The following MTFR1L variants were observed in gnomAD, a reference collection of about 807,000 sequenced individuals.
MTFR1L encodes the protein mitochondrial fission regulator 1-like.
Under a neutral mutation model 27.9 loss-of-function variants are expected in MTFR1L, and 10 were observed. The ratio of observed to expected loss-of-function variants is 0.36; its 90% CI spans 0.22 to 0.61. MTFR1L has a LOEUF of 0.61. Among genes scored for constraint, MTFR1L ranks in the 20% least tolerant of loss-of-function variants. MTFR1L has a pLI of 0.73. For synonymous variants in MTFR1L, 151 were observed against 139.4 expected (o/e 1.08, Z -0.58); for missense variants, 315 against 363.7 (o/e 0.87, Z 1.09).
chr1:25,820,557 G>A lies in MTFR1L; in HGVS notation c.-87+528G>A, dbSNP rs568231345. The A allele has an allele frequency of 1.3e-4, 47 of 362,140 alleles. No individual in the cohort carries two copies. In the East Asian group the frequency reaches 3.9e-3, roughly 30 times the overall value. The allele number at this position is 362,140 out of a possible 1,614,324, so 22.4% of individuals were successfully genotyped here. ...CCTCCGTGGGGGCCCCCGGGACCAG[G>A]GGTGCTGAGCAGGGCCCTGCGCTGG... On this transcript the variant is annotated intron_variant, in intron 1 of 6. Transcript: ENST00000374303.
At chr1:25,827,238 C>T (rs1169829258) in intron 5 of MTFR1L, among the ~76,000 whole-genome samples, 3 of 151,666 alleles carry the variant, frequency 2.0e-5, no homozygotes, top group Non-Finnish European at 4.4e-5. Context: ...CAGGTGCAAG[C>T]GATTCTCCTG....
At chr1:25,827,806 A>C (rs903332495) in intron 5 of MTFR1L, among the ~76,000 whole-genome samples, 2 of 151,582 alleles carry the variant, frequency 1.3e-5, no homozygotes, top group African/African-American at 4.9e-5. Flanking sequence ...GCTCACTGCA[A>C]CCTCCACCTC....
Position 25,832,271 on chromosome 1 carries a change from T to G in MTFR1L, c.*245T>G. On this transcript the variant is annotated 3_prime_UTR_variant, in exon 7 of 7. Coordinates refer to ENST00000374303, the MANE Select transcript of MTFR1L (RefSeq NM_001099625.2). ...TCAGGTAATCGTGTAGAATGAAGTA[T>G]CTTAGTTTAAAGGGTAAGAGAGAAG... is the stretch of plus-strand genomic sequence containing the variant. 8.3e-7 allele frequency: 1 copy of G among 1,200,384 alleles called. No individual in the cohort carries two copies. The highest frequency in any genetic ancestry group is 2.6e-5 in the East Asian group (1 of 39,076). 74.4% of individuals were successfully genotyped at this position (1,200,384 alleles called of 1,614,324 possible).
rs199996657 is a variant in MTFR1L at position 25,823,669 on chromosome 1, C to T, written c.50C>T (p.Pro17Leu). The T allele has an allele frequency of 1.5e-4, 243 of 1,613,944 alleles. No homozygotes were observed. The highest frequency in any genetic ancestry group is 1.9e-4 in the Non-Finnish European group (230 of 1,179,988). ...ACCATCCCAATCTGGCAAAACAAGCCACATGGGGCTGCTCGAAGTGTAGTA... is the reference window on the plus strand; with the variant it reads ...ACCATCCCAATCTGGCAAAACAAGCTACATGGGGCTGCTCGAAGTGTAGTA... ...TVTIPIWQNKPHGAARSVVRR... is the reference protein window; with the variant it reads ...TVTIPIWQNKLHGAARSVVRR... Residue 17 changes from proline (P) to leucine (L), a missense_variant, in exon 3 of 7, where the codon CCA (proline) becomes CTA (leucine). Physicochemically the swap from Pro to Leu is moderately conservative, Grantham distance 98 (BLOSUM62 -3). Transcript: ENST00000374303.
At chr1:25,831,823 G>T in intron 6 of MTFR1L, 98 bp from the exon 7 acceptor site, 4 of 1,042,014 alleles carry the variant, frequency 3.8e-6, no homozygotes, top group Middle Eastern at 2.7e-4. Context: ...CACCTACCTC[G>T]TAAGATTGTT....
At position 25,829,537 on chromosome 1, in the gene MTFR1L, A is replaced by G. The variant is rs2048209297; in HGVS notation, c.480A>G (p.Leu160=). The G allele has an allele frequency of 6.2e-7, 1 of 1,613,526 alleles. No homozygotes were observed. Among genetic ancestry groups the G allele is most frequent in the Admixed American group, 1.7e-5 (1 of 59,926 alleles). The change falls in exon 6 of 7, where the codon TTA becomes TTG. Residue 160 remains leucine, a synonymous_variant. Coordinates refer to ENST00000374303, the MANE Select transcript of MTFR1L (RefSeq NM_001099625.2). ...CGGCTTCATTAACGCCAGATTTCTT[A>G]TCTCCAGGAAGTTCAAATGTCTCTT... ...AASASLTPDF[L]SPGSSNVSSP...
intron 3 of MTFR1L, chr1:25,825,827 A>G (rs2048160395): frequency 6.3e-6 from 1 of 158,822 alleles, no homozygotes; most frequent in Non-Finnish European, 1.4e-5. Flanking sequence ...AATCCCATAG[A>G]CTCTCATGTG....
chr1:25,829,895 T>C (rs1390629002), intron 6 of MTFR1L, 65 bp downstream of exon 6: 4 of 1,313,790 alleles, frequency 3.0e-6, no homozygotes, highest in Non-Finnish European at 4.1e-6. Flanking sequence ...AATTATGTAA[T>C]GCAACATACT....
chr1:25,829,996 G>A (rs1255711540), intron 6 of MTFR1L, among the ~76,000 whole-genome samples, 166 bp downstream of exon 6: 1 of 152,116 alleles, frequency 6.6e-6, no homozygotes, highest in Non-Finnish European at 1.5e-5. Flanking sequence ...CCCAGTTTGA[G>A]GAAAGAGCAA....
chr1:25,832,402 G>GTCAC lies in MTFR1L; in HGVS notation c.*384_*387dup. The GTCAC allele has an allele frequency of 2.3e-6, 1 of 443,870 alleles. No homozygotes were observed. Among genetic ancestry groups the GTCAC allele is most frequent in the Non-Finnish European group, 3.8e-6 (1 of 260,092 alleles). The allele number at this position is 443,870 out of a possible 1,614,324, so 27.5% of individuals were successfully genotyped here. On this transcript the variant is annotated 3_prime_UTR_variant, in exon 7 of 7. Transcript: ENST00000374303. ...CTCACAAGACACTTTGTGCCCAGCT[G>GTCAC]TCACTCACTCAGCAGCTTCCTTGCA...
Position 25,831,986 on chromosome 1 carries a change from T to C in MTFR1L, c.839T>C (p.Phe280Ser). 2 of 1,614,170 alleles carry C rather than the reference T, an allele frequency of 1.2e-6. No homozygotes were observed. Among genetic ancestry groups the C allele is most frequent in the Non-Finnish European group, 1.7e-6 (2 of 1,180,030 alleles). ...ATCTCTGAGGTCCTAAGGAGGAAGT[T>C]TGCTCTAAAGGAAGAAGATATCAGT... ...VLISEVLRRKFALKEEDISRK... is the reference protein window; with the variant it reads ...VLISEVLRRKSALKEEDISRK... The change falls in exon 7 of 7, where the codon TTT (phenylalanine) becomes TCT (serine). Residue 280 changes from phenylalanine (F) to serine (S), a missense_variant. Physicochemically the swap from Phe to Ser is radical, Grantham distance 155. Coordinates refer to ENST00000374303, the MANE Select transcript of MTFR1L (RefSeq NM_001099625.2).
chr1:25,829,829 C>A lies in MTFR1L; in HGVS notation c.772C>A (p.Leu258Met). Residue 258 changes from leucine to methionine, a missense_variant and splice_region_variant, in exon 6 of 7, where the codon CTG becomes ATG. Leu to Met is a conservative substitution (Grantham distance 15). Coordinates refer to ENST00000374303, the MANE Select transcript of MTFR1L (RefSeq NM_001099625.2). ...DFHRMKQSQD[L>M]NRSLLKEEDP... ...TCACCGAATGAAACAGAGTCAAGATCTGTAAGTATCTGATGAGGAGCTCTG... is the reference window on the plus strand; with the variant it reads ...TCACCGAATGAAACAGAGTCAAGATATGTAAGTATCTGATGAGGAGCTCTG... 6.3e-7 allele frequency: 1 copy of A among 1,593,568 alleles called. No homozygotes were observed. Among genetic ancestry groups the A allele is most frequent in the Non-Finnish European group, 8.5e-7 (1 of 1,174,564 alleles).
At chr1:25,823,291 C>G in intron 2 of MTFR1L, 163 bp downstream of exon 2, 1 of 784,166 alleles carries the variant, frequency 1.3e-6, no homozygotes, top group Non-Finnish European at 2.2e-6. Context: ...TAAGAAGAAC[C>G]AACTATGATC....
intron 1 of MTFR1L, chr1:25,822,733 A>G (rs1478032522): frequency 1.9e-6 from 1 of 515,742 alleles, no homozygotes; most frequent in Admixed American, 3.5e-5. Flanking sequence ...TCACTGTGTT[A>G]GCCAGGATGG....
intron 5 of MTFR1L, among the ~76,000 whole-genome samples, chr1:25,828,543 GA>G (rs1392155147): frequency 1.3e-5 from 2 of 149,856 alleles, no homozygotes; most frequent in African/African-American, 5.1e-5. Flanking sequence ...ATGGGCGACA[GA>G]GTGAGACTCC....
At position 25,823,009 on chromosome 1, in the gene MTFR1L, G is replaced by T; in HGVS notation, c.-86-10G>T. 1 of 1,609,526 alleles carries T rather than the reference G, an allele frequency of 6.2e-7. No individual in the cohort carries two copies. On this transcript the variant is annotated splice_polypyrimidine_tract_variant and intron_variant, in intron 1 of 6. Transcript: ENST00000374303. ...TTGTTTCACAAGAGGGAAATCTGGT[G>T]CTCCTCCAGATGGCCTGATATGAAG...
At chr1:25,820,449 C>T (rs1193104405) in intron 1 of MTFR1L, 1 of 396,340 alleles carries the variant, frequency 2.5e-6, no homozygotes, top group Admixed American at 3.2e-5. Flanking sequence ...GGGCGACTCG[C>T]CCTGGCGGGT....
At chr1:25,824,176 C>G (rs1358472039) in intron 3 of MTFR1L, among the ~76,000 whole-genome samples, 1 of 152,176 alleles carries the variant, frequency 6.6e-6, no homozygotes, top group Non-Finnish European at 1.5e-5. Flanking sequence ...ATGCCCAGCT[C>G]CACTATTTTT....
intron 5 of MTFR1L, among the ~76,000 whole-genome samples, chr1:25,827,996 A>G (rs2048189578): frequency 6.6e-6 from 1 of 152,156 alleles, no homozygotes; most frequent in Non-Finnish European, 1.5e-5. Flanking sequence ...AAATGCTAGG[A>G]TTACAACCAT....
Sources: allele counts gnomAD v4.1 joint callset (sites outside exome capture counted in the v4.1 genomes callset), GRCh38; gene constraint gnomAD v4.1.1; transcripts MANE v1.5; gene names NCBI Gene and HGNC (gene_info 2026-07-23, HGNC 2026-07-21).